SPAG16: variants seen among roughly 807,000 people sequenced by gnomAD.
The protein encoded by SPAG16 is sperm associated antigen 16.
In SPAG16, 86 loss-of-function variants were observed where a neutral mutation model predicts 80.4. The ratio of observed to expected loss-of-function variants is 1.07; its 90% CI spans 0.90 to 1.28. The LOEUF is 1.28. Ranked by LOEUF, SPAG16 falls within the 50% of genes most tolerant of loss-of-function variation. The pLI, the probability that SPAG16 is intolerant of heterozygous loss-of-function variation, is 0.00. For synonymous variants in SPAG16, 294 were observed against 265.9 expected (o/e 1.11, Z -1.03); for missense variants, 870 against 765.3 (o/e 1.14, Z -1.61).
chr2:214,090,036 A>G (rs2052067272), intron 13 of SPAG16, among the ~76,000 whole-genome samples: 1 of 151,996 alleles, frequency 6.6e-6, no homozygotes, highest in African/African-American at 2.4e-5. Context: ...CAATTTTTTA[A>G]TGAGGAATAT....
intron 10 of SPAG16, among the ~76,000 whole-genome samples, chr2:213,708,299 T>A (rs999833051): frequency 6.6e-6 from 1 of 152,202 alleles, no homozygotes; most frequent in African/African-American, 2.4e-5. Flanking sequence ...AATAACCAGA[T>A]CACTATTGAC....
intron 15 of SPAG16, among the ~76,000 whole-genome samples, chr2:214,404,287 A>G (rs1017911146): frequency 1.3e-5 from 2 of 152,226 alleles, no homozygotes; most frequent in Non-Finnish European, 2.9e-5. Context: ...GATTTCAGCC[A>G]TATTCTGCAA....
intron 15 of SPAG16, among the ~76,000 whole-genome samples, chr2:214,233,316 G>A (rs1392023472): frequency 6.6e-6 from 1 of 150,942 alleles, no homozygotes; most frequent in Non-Finnish European, 1.5e-5. Context: ...CTGTATATGT[G>A]CCCTAATTCT....
At chr2:213,835,615 T>C (rs1312918686) in intron 10 of SPAG16, among the ~76,000 whole-genome samples, 1 of 152,174 alleles carries the variant, frequency 6.6e-6, no homozygotes, top group Non-Finnish European at 1.5e-5. Context: ...TTTTTCCTAT[T>C]TGTCAAGTGA....
intron 15 of SPAG16, among the ~76,000 whole-genome samples, chr2:214,365,393 C>T (rs542964516): frequency 1.3e-5 from 2 of 152,240 alleles, no homozygotes; most frequent in East Asian, 3.9e-4. Flanking sequence ...ATAATGACTG[C>T]CATTTTGACT....
intron 15 of SPAG16, among the ~76,000 whole-genome samples, chr2:214,276,824 T>A (rs1692502418): frequency 6.6e-6 from 1 of 152,184 alleles, no homozygotes; most frequent in Admixed American, 6.5e-5. Flanking sequence ...TTTCCTGAAT[T>A]TCAATGTTGG....
intron 15 of SPAG16, among the ~76,000 whole-genome samples, chr2:214,381,833 G>T (rs1004435480): frequency 6.6e-6 from 1 of 152,110 alleles, no homozygotes; most frequent in East Asian, 1.9e-4. Flanking sequence ...ATACACCAAG[G>T]GCTAGAACAC....
chr2:213,394,212 A>C (rs531288378), intron 9 of SPAG16, among the ~76,000 whole-genome samples: 5 of 152,124 alleles, frequency 3.3e-5, no homozygotes, highest in African/African-American at 1.2e-4. Flanking sequence ...TTTTTCCTTT[A>C]CCAACCAATT....
At chr2:214,023,813 C>A (rs868739283) in intron 13 of SPAG16, among the ~76,000 whole-genome samples, 1 of 151,576 alleles carries the variant, frequency 6.6e-6, no homozygotes, top group East Asian at 1.9e-4. Context: ...ATTACACTGG[C>A]CAGTAGCGGG....
intron 12 of SPAG16, among the ~76,000 whole-genome samples, chr2:213,995,475 C>A (rs776510023): frequency 2.6e-5 from 4 of 152,136 alleles, no homozygotes; most frequent in Non-Finnish European, 5.9e-5. Flanking sequence ...CATGTATATC[C>A]GTGACACATG....
At chr2:213,658,712 G>A (rs1051567253) in intron 10 of SPAG16, among the ~76,000 whole-genome samples, 7 of 152,206 alleles carry the variant, frequency 4.6e-5, no homozygotes, top group Non-Finnish European at 8.8e-5. Context: ...CTAGAGAGGT[G>A]CTGGAGTGAA....
intron 4 of SPAG16, among the ~76,000 whole-genome samples, chr2:213,314,290 A>G (rs1234468598): frequency 2.0e-5 from 3 of 151,878 alleles, no homozygotes; most frequent in African/African-American, 4.8e-5. Context: ...TATATTTCAA[A>G]TTTCTAATAG....
intron 10 of SPAG16, among the ~76,000 whole-genome samples, chr2:213,785,712 T>A (rs1257391763): frequency 6.6e-6 from 1 of 152,154 alleles, no homozygotes; most frequent in Non-Finnish European, 1.5e-5. Context: ...ATATCTATAT[T>A]TACTATTCTT....
At chr2:213,672,560 C>T (rs529823547) in intron 10 of SPAG16, among the ~76,000 whole-genome samples, 2 of 152,206 alleles carry the variant, frequency 1.3e-5, no homozygotes, top group African/African-American at 4.8e-5. Flanking sequence ...CTGCCTACTG[C>T]TGTTCTTCAA....
rs150314116 is a variant in SPAG16, at chr2:213,353,596, C to T, written c.762+2951C>T. 1.7e-4 allele frequency among the ~76,000 whole-genome samples: 26 copies of T among 152,254 alleles called. No individual in the cohort carries two copies. The East Asian group carries it at 4.2e-3, about 25-fold the overall frequency. On this transcript the variant is annotated intron_variant, in intron 7 of 15. Transcript: ENST00000331683. Reference sequence around the variant, plus strand: ...TCCCTAGAGTATCTGGCTTTATTTGCCCTTCATTTCCAACTGGCCCCACTT... The same window carrying T: ...TCCCTAGAGTATCTGGCTTTATTTGTCCTTCATTTCCAACTGGCCCCACTT...
Position 213,408,551 on chromosome 2 carries a change from C to T in SPAG16, c.942+33432C>T, listed in dbSNP as rs940196210. On this transcript the variant is annotated intron_variant, in intron 9 of 15. Transcript: ENST00000331683. ...GATTTAACATTAACCACTGAAAATCCCCCTAACCCAGCAGGTTTCCTAACA... is the reference window on the plus strand; with the variant it reads ...GATTTAACATTAACCACTGAAAATCTCCCTAACCCAGCAGGTTTCCTAACA... Among the ~76,000 whole-genome samples, 4 of 150,344 alleles carry T rather than the reference C, an allele frequency of 2.7e-5. No homozygotes were observed. The East Asian group carries it at 5.8e-4, about 22-fold the overall frequency.
At chr2:214,068,378 G>T (rs138108279) in intron 13 of SPAG16, among the ~76,000 whole-genome samples, 164 of 152,080 alleles carry the variant, frequency 1.1e-3, no homozygotes, top group Non-Finnish European at 1.7e-3. Flanking sequence ...AGAATAAAAG[G>T]CATATTTTAA....
Position 213,731,153 on chromosome 2 carries a change from G to GTTTTT in SPAG16, c.1071-131316_1071-131312dup, listed in dbSNP as rs57074369. Among the ~76,000 whole-genome samples, 2 of 107,098 alleles carry GTTTTT rather than the reference G, an allele frequency of 1.9e-5. 1 individual carries two copies. The highest frequency in any genetic ancestry group is 2.3e-4 in the Admixed American group (2 of 8,882). The allele number at this position is 107,098 out of a possible 152,430, so 70.3% of individuals were successfully genotyped here. A position where few individuals can be genotyped will look rare whatever the true frequency, so the allele number is the denominator to read the frequency against. On this transcript the variant is annotated intron_variant, in intron 10 of 15. Coordinates refer to ENST00000331683, the MANE Select transcript of SPAG16 (RefSeq NM_024532.5). ...ATTCCAACATCTACATTATATCTGA[G>GTTTTT]TTTTTTTTTTTTTTTTTTTTGAGTT... is the stretch of plus-strand genomic sequence containing the variant.
intron 10 of SPAG16, among the ~76,000 whole-genome samples, chr2:213,590,042 T>C (rs1026645790): frequency 6.6e-6 from 1 of 152,140 alleles, no homozygotes. Flanking sequence ...TTTGCATAAT[T>C]ATGACTGTAT....
Sources: allele counts gnomAD v4.1 joint callset (sites outside exome capture counted in the v4.1 genomes callset), GRCh38; gene constraint gnomAD v4.1.1; transcripts MANE v1.5; gene names NCBI Gene and HGNC (gene_info 2026-07-23, HGNC 2026-07-21).